Variants in GOLGA5 observed in about 807,000 individuals in gnomAD.
GOLGA5 encodes the protein golgin subfamily A member 5.
In GOLGA5, 50 loss-of-function variants were observed where a neutral mutation model predicts 93.5. The ratio of observed to expected loss-of-function variants is 0.53; its 90% CI spans 0.43 to 0.68. The LOEUF is 0.68. Ranked by LOEUF, GOLGA5 falls within the 30% of genes least tolerant of loss-of-function variation. GOLGA5 has a pLI of 0.00. For synonymous variants in GOLGA5, 312 were observed against 304.5 expected, an observed-to-expected ratio of 1.02 and a Z score of -0.26; for missense variants, 760 against 856.4, an observed-to-expected ratio of 0.89 and a Z score of 1.40.
intron 7 of GOLGA5, 134 bp from the exon 8 acceptor site, chr14:92,819,574 C>T: frequency 1.3e-6 from 1 of 765,518 alleles, no homozygotes. Flanking sequence ...TTGAGGCTGC[C>T]ATGAACTGTG....
chr14:92,819,651 A>G, intron 7 of GOLGA5, 57 bp from the exon 8 acceptor site: 1 of 1,562,332 alleles, frequency 6.4e-7, no homozygotes, highest in African/African-American at 1.4e-5. Flanking sequence ...AAATTGCTCA[A>G]TAAATGTTGA....
In GOLGA5 at chr14:92,810,319, G is replaced by A; in HGVS notation, c.1058G>A (p.Arg353Lys). 2 of 1,607,124 alleles carry A rather than the reference G, an allele frequency of 1.2e-6. No homozygotes were observed. The highest frequency in any genetic ancestry group is 1.7e-6 in the Non-Finnish European group (2 of 1,175,282). The change falls in exon 5 of 13, where the codon AGA becomes AAA. Residue 353 changes from arginine to lysine, a missense_variant. Coordinates refer to ENST00000163416, the MANE Select transcript of GOLGA5 (RefSeq NM_005113.4). ...CAAGCTCTGCAGACTTTTCAGGAGA[G>A]ACTGCATGAAGCGGATGCCACTCTG... ...QNQALQTFQE[R>K]LHEADATLKR...
intron 7 of GOLGA5, among the ~76,000 whole-genome samples, chr14:92,817,605 G>A (rs910907926): frequency 6.6e-6 from 1 of 152,182 alleles, no homozygotes; most frequent in African/African-American, 2.4e-5. Flanking sequence ...CTCTGAAGGT[G>A]AGAGAAGATA....
intron 9 of GOLGA5, among the ~76,000 whole-genome samples, chr14:92,825,696 ACAAAAAAT>A (rs1032960607): frequency 6.7e-6 from 1 of 150,214 alleles, no homozygotes; most frequent in African/African-American, 2.5e-5. Context: ...CCTTGTCTCT[ACAAAAAAT>A]CAAAAAATTA....
In GOLGA5 at chr14:92,797,946, C is replaced by T; in HGVS notation, c.509C>T (p.Thr170Ile). 1 of 1,591,326 alleles carries T rather than the reference C, an allele frequency of 6.3e-7. No homozygotes were observed. The highest frequency in any genetic ancestry group is 1.2e-5 in the South Asian group (1 of 86,890). Residue 170 changes from threonine (T) to isoleucine (I), a missense_variant, in exon 2 of 13, where the codon ACC becomes ATC. Transcript: ENST00000163416. Reference protein sequence around the residue: ...SVNPSVTTIKTIEENSFGSQT... With the variant: ...SVNPSVTTIKIIEENSFGSQT... Reference sequence around the variant, plus strand: ...AACCCCAGTGTAACCACCATCAAAACCATTGAAGAAAATTCTTTTGGGAGC... The same window carrying T: ...AACCCCAGTGTAACCACCATCAAAATCATTGAAGAAAATTCTTTTGGGAGC...
At chr14:92,823,215 G>A (rs534857999) in intron 8 of GOLGA5, among the ~76,000 whole-genome samples, 29 of 151,976 alleles carry the variant, frequency 1.9e-4, no homozygotes, top group African/African-American at 6.5e-4. Flanking sequence ...TTTTTAAATA[G>A]TTTATTGATT....
At chr14:92,824,896 G>A (rs752740504) in intron 9 of GOLGA5, among the ~76,000 whole-genome samples, 9 of 152,126 alleles carry the variant, frequency 5.9e-5, no homozygotes, top group African/African-American at 1.4e-4. Flanking sequence ...GAATTACCCC[G>A]AAATTTCAGA....
Position 92,816,537 on chromosome 14 carries a change from G to GCTTCT in GOLGA5, c.1491+120_1491+121insTCTTC, listed in dbSNP as rs1458228318. On this transcript the variant is annotated intron_variant, in intron 7 of 12. Transcript: ENST00000163416. ...TAGGTTTCTCGCTTCTCTTCGCTTC[G>GCTTCT]CTTCGCTTCTCTTCTCTTCCTCCTC... The GCTTCT allele has an allele frequency of 1.1e-5, 8 of 726,486 alleles. No individual in the cohort carries two copies. In the East Asian group the frequency reaches 1.8e-4, roughly 17 times the overall value. 45.0% of individuals were successfully genotyped at this position (726,486 alleles called of 1,614,324 possible).
chr14:92,803,740 GC>G (rs575524576), intron 2 of GOLGA5, among the ~76,000 whole-genome samples: 69 of 152,260 alleles, frequency 4.5e-4, no homozygotes, highest in Middle Eastern at 3.4e-3. Context: ...TACCAACCCT[GC>G]AAAAACCAAT....
intron 9 of GOLGA5, among the ~76,000 whole-genome samples, chr14:92,827,082 C>A (rs925552914): frequency 2.0e-5 from 3 of 152,078 alleles, no homozygotes; most frequent in African/African-American, 7.2e-5. Context: ...GGATTTATAA[C>A]CAGGATAAGA....
chr14:92,830,477 C>G (rs1474673002), intron 9 of GOLGA5, among the ~76,000 whole-genome samples: 1 of 151,228 alleles, frequency 6.6e-6, no homozygotes, highest in Non-Finnish European at 1.5e-5. Flanking sequence ...GATAATTCTT[C>G]TAGTGTGGCC....
rs1373720275 is a variant in GOLGA5, at chr14:92,835,649, C to T, written c.2036C>T (p.Ser679Leu). Residue 679 changes from serine to leucine, a missense_variant, in exon 11 of 13, where the codon TCA (serine) becomes TTA (leucine). Coordinates refer to ENST00000163416, the MANE Select transcript of GOLGA5 (RefSeq NM_005113.4). ...GGAAAAGTTCGCAAAGCTGCTAGTTCAATTGATCAGTTTAGGTAAGCAATG... is the reference window on the plus strand; with the variant it reads ...GGAAAAGTTCGCAAAGCTGCTAGTTTAATTGATCAGTTTAGGTAAGCAATG... Reference protein sequence around the residue: ...MYGKVRKAASSIDQFSIRLGI... With the variant: ...MYGKVRKAASLIDQFSIRLGI... The T allele has an allele frequency of 8.1e-6, 13 of 1,606,916 alleles. No individual in the cohort carries two copies. Among genetic ancestry groups the T allele is most frequent in the African/African-American group, 1.3e-5 (1 of 74,784 alleles).
At chr14:92,825,075 C>T (rs945965353) in intron 9 of GOLGA5, among the ~76,000 whole-genome samples, 1 of 151,932 alleles carries the variant, frequency 6.6e-6, no homozygotes, top group Non-Finnish European at 1.5e-5. Flanking sequence ...AAAATAATGA[C>T]ACTCATGTGC....
intron 9 of GOLGA5, among the ~76,000 whole-genome samples, chr14:92,825,158 G>A (rs890519534): frequency 6.6e-6 from 1 of 151,844 alleles, no homozygotes; most frequent in African/African-American, 2.4e-5. Flanking sequence ...TGTAATCATA[G>A]TTGTCCTTTC....
At position 92,804,758 on chromosome 14, in the gene GOLGA5, C is replaced by T. The variant is rs191512093; in HGVS notation, c.545-1978C>T. Among the ~76,000 whole-genome samples the T allele has an allele frequency of 5.7e-3, 842 of 147,752 alleles. 10 individuals carry two copies. Among genetic ancestry groups the T allele is most frequent in the Non-Finnish European group, 5.9e-3 (398 of 67,074 alleles). On this transcript the variant is annotated intron_variant, in intron 2 of 12. Transcript: ENST00000163416. ...GCAACCTCTGCCTCCCAGGTTCAAG[C>T]GATTCTCCTGCCTCAGCCTCCGAAG... is the stretch of plus-strand genomic sequence containing the variant.
At chr14:92,832,265 A>T (rs1258160852) in intron 9 of GOLGA5, among the ~76,000 whole-genome samples, 1 of 152,094 alleles carries the variant, frequency 6.6e-6, no homozygotes, top group Non-Finnish European at 1.5e-5. Context: ...GTTTATGTTC[A>T]ATATAATTCC....
At chr14:92,806,655 T>C (rs1201779964) in intron 2 of GOLGA5, 81 bp from the exon 3 acceptor site, 1 of 917,044 alleles carries the variant, frequency 1.1e-6, no homozygotes, top group African/African-American at 1.6e-5. Flanking sequence ...GCAGTCAACT[T>C]GAGCATCCTA....
At chr14:92,807,821 A>AAG (rs1477872805) in intron 3 of GOLGA5, among the ~76,000 whole-genome samples, 2 of 48,338 alleles carry the variant, frequency 4.1e-5, no homozygotes, top group African/African-American at 4.2e-4. Flanking sequence ...CTGAGAAGAA[A>AAG]ACGAGTGACA....
intron 2 of GOLGA5, among the ~76,000 whole-genome samples, chr14:92,804,087 C>T (rs1884931362): frequency 2.0e-5 from 3 of 152,048 alleles, no homozygotes; most frequent in Admixed American, 2.0e-4. Flanking sequence ...GGATATACAA[C>T]TCATTAGTTT....
Sources: allele counts gnomAD v4.1 joint callset (sites outside exome capture counted in the v4.1 genomes callset), GRCh38; gene constraint gnomAD v4.1.1; transcripts MANE v1.5; gene names NCBI Gene and HGNC (gene_info 2026-07-23, HGNC 2026-07-21).